COMMD10: variants seen among roughly 807,000 people sequenced by gnomAD.
The protein encoded by COMMD10 is COMM domain-containing protein 10.
In COMMD10, 33 loss-of-function variants were observed where a neutral mutation model predicts 28.9. The ratio of observed to expected loss-of-function variants is 1.14; its 90% confidence interval spans 0.87 to 1.53. The LOEUF is 1.53. Among genes scored for constraint, COMMD10 ranks in the 40% most tolerant of loss-of-function variants. COMMD10 has a pLI of 0.00. For missense variants in COMMD10, 310 were observed against 233.4 expected (o/e 1.33, Z -2.14); for synonymous variants, 110 against 81.7 (o/e 1.35, Z -1.87).
At position 116,092,774 on chromosome 5, in the gene COMMD10, A is replaced by G. The variant is rs1750343053; in HGVS notation, c.399+74A>G. 4.4e-6 allele frequency: 5 copies of G among 1,129,698 alleles called. No individual in the cohort carries two copies. In the South Asian group the frequency reaches 9.2e-5, roughly 21 times the overall value. The allele number at this position is 1,129,698 out of a possible 1,614,324, so 70.0% of individuals were successfully genotyped here. ...AATTATTATACCTGAAGAGTTTTTA[A>G]AGTGATAATATTTTGTTGAGAGGTA... On this transcript the variant is annotated intron_variant, in intron 4 of 6. Transcript: ENST00000274458.
At chr5:116,190,847 T>G (rs959856943) in intron 5 of COMMD10, among the ~76,000 whole-genome samples, 1 of 152,192 alleles carries the variant, frequency 6.6e-6, no homozygotes, top group Non-Finnish European at 1.5e-5. Flanking sequence ...TAATTTAAAT[T>G]GGTAGAGTAC....
At chr5:116,137,774 C>A (rs938015202) in intron 5 of COMMD10, among the ~76,000 whole-genome samples, 1 of 151,992 alleles carries the variant, frequency 6.6e-6, no homozygotes, top group African/African-American at 2.4e-5. Context: ...TAGAACACTT[C>A]TGTCTCGAGG....
At chr5:116,152,188 G>C (rs192813702) in intron 5 of COMMD10, among the ~76,000 whole-genome samples, 2 of 152,232 alleles carry the variant, frequency 1.3e-5, no homozygotes, top group African/African-American at 4.8e-5. Flanking sequence ...TCTTAATCCT[G>C]AGTTCTAGTT....
At chr5:116,227,255 C>T (rs549888086) in intron 5 of COMMD10, among the ~76,000 whole-genome samples, 5 of 152,092 alleles carry the variant, frequency 3.3e-5, no homozygotes, top group African/African-American at 1.2e-4. Context: ...CTTGTTTTCT[C>T]GTTAATGGAG....
At chr5:116,182,087 G>C (rs1279137339) in intron 5 of COMMD10, among the ~76,000 whole-genome samples, 3 of 152,034 alleles carry the variant, frequency 2.0e-5, no homozygotes, top group African/African-American at 7.2e-5. Context: ...AACTATTTTA[G>C]GTGTAGTGAT....
intron 4 of COMMD10, among the ~76,000 whole-genome samples, chr5:116,128,528 A>G (rs1751737541): frequency 9.4e-6 from 1 of 106,116 alleles, no homozygotes; most frequent in Non-Finnish European, 2.6e-5. Flanking sequence ...AAATATAATT[A>G]GCTAACTTAA....
At chr5:116,148,173 C>T (rs189687032) in intron 5 of COMMD10, among the ~76,000 whole-genome samples, 1 of 151,738 alleles carries the variant, frequency 6.6e-6, no homozygotes, top group Non-Finnish European at 1.5e-5. Context: ...CATGTAAATT[C>T]TGTTGGAATT....
At chr5:116,268,596 A>G (rs1234506339) in intron 5 of COMMD10, among the ~76,000 whole-genome samples, 1 of 151,940 alleles carries the variant, frequency 6.6e-6, no homozygotes. Flanking sequence ...CCATCCCATT[A>G]CTGGGTATAT....
intron 5 of COMMD10, among the ~76,000 whole-genome samples, chr5:116,249,747 T>G (rs1750056071): frequency 6.6e-6 from 1 of 151,960 alleles, no homozygotes; most frequent in Admixed American, 6.6e-5. Context: ...GAGTGTGTAA[T>G]GTAGTACAGA....
At chr5:116,269,688 C>G (rs1313714024) in intron 5 of COMMD10, among the ~76,000 whole-genome samples, 2 of 151,728 alleles carry the variant, frequency 1.3e-5, no homozygotes, top group Non-Finnish European at 2.9e-5. Flanking sequence ...TTTCCCTTTC[C>G]CCTCAACTTT....
chr5:116,282,392 C>G (rs1260209667), intron 5 of COMMD10, among the ~76,000 whole-genome samples: 1 of 151,794 alleles, frequency 6.6e-6, no homozygotes, highest in East Asian at 1.9e-4. Context: ...TACAGTTCAG[C>G]CAGTTCTAAT....
intron 5 of COMMD10, among the ~76,000 whole-genome samples, chr5:116,232,629 G>A (rs184512312): frequency 2.0e-4 from 30 of 152,020 alleles, no homozygotes; most frequent in Non-Finnish European, 3.4e-4. Flanking sequence ...TAAACCCCAG[G>A]GGGGCAGAGG....
chr5:116,150,979 G>C (rs1326314409), intron 5 of COMMD10, among the ~76,000 whole-genome samples: 1 of 151,860 alleles, frequency 6.6e-6, no homozygotes, highest in Non-Finnish European at 1.5e-5. Flanking sequence ...ATTCAGGTAT[G>C]ATATTGGCTG....
Position 116,099,360 on chromosome 5 carries a change from T to C in COMMD10, c.399+6660T>C, listed in dbSNP as rs112617209. Among the ~76,000 whole-genome samples the C allele has an allele frequency of 1.3e-3, 203 of 152,322 alleles. 1 individual carries two copies. The highest frequency in any genetic ancestry group is 4.7e-3 in the African/African-American group (194 of 41,570). On this transcript the variant is annotated intron_variant, in intron 4 of 6. Transcript: ENST00000274458. ...TATCTGTTCATTTGTTGACAGACAC[T>C]TAGGTTGTTTCCTTATCTTGGCCAT...
At chr5:116,253,381 CA>C (rs1342008505) in intron 5 of COMMD10, among the ~76,000 whole-genome samples, 1 of 150,486 alleles carries the variant, frequency 6.6e-6, no homozygotes, top group Non-Finnish European at 1.5e-5. Context: ...TGCTAGTGTT[CA>C]AAGTGAAAGC....
intron 4 of COMMD10, among the ~76,000 whole-genome samples, chr5:116,100,926 T>C (rs1750639458): frequency 6.6e-6 from 1 of 152,184 alleles, no homozygotes; most frequent in Non-Finnish European, 1.5e-5. Flanking sequence ...CCATTGTCTG[T>C]CATTCCACTT....
At chr5:116,162,169 A>G (rs1203238484) in intron 5 of COMMD10, among the ~76,000 whole-genome samples, 1 of 152,220 alleles carries the variant, frequency 6.6e-6, no homozygotes, top group Non-Finnish European at 1.5e-5. Flanking sequence ...TTTGCTATAA[A>G]TAGATAAGTA....
At chr5:116,207,096 A>T (rs1014411053) in intron 5 of COMMD10, among the ~76,000 whole-genome samples, 3 of 152,212 alleles carry the variant, frequency 2.0e-5, no homozygotes, top group Non-Finnish European at 4.4e-5. Context: ...GAACTGAGTT[A>T]TTTGAATCTG....
intron 5 of COMMD10, among the ~76,000 whole-genome samples, chr5:116,259,763 A>C (rs1362124806): frequency 2.6e-5 from 4 of 151,742 alleles, no homozygotes; most frequent in South Asian, 4.1e-4. Flanking sequence ...GTTTCGGACT[A>C]CATTTCCATA....
Sources: allele counts gnomAD v4.1 joint callset (sites outside exome capture counted in the v4.1 genomes callset), GRCh38; gene constraint gnomAD v4.1.1; transcripts MANE v1.5; gene names NCBI Gene and HGNC (gene_info 2026-07-23, HGNC 2026-07-21).